Variants in ZNF469 observed in about 807,000 individuals in gnomAD.
The protein encoded by ZNF469 is zinc finger protein 469.
In ZNF469, 1 loss-of-function variant was observed where a neutral mutation model predicts 1.0. The ratio of observed to expected loss-of-function variants is 1.00; its 90% confidence interval spans 0.35 to 4.73. The LOEUF (loss-of-function observed/expected upper bound fraction) is 4.73. Ranked by LOEUF, ZNF469 falls within the 30% of genes most tolerant of loss-of-function variation. ZNF469 has a pLI of 0.16. For missense variants in ZNF469, 6,100 were observed against 5,356.3 expected (o/e 1.14, Z -4.33); for synonymous variants, 2,703 against 2,363.4 (o/e 1.14, Z -4.17).
the ZNF469 span, among the ~76,000 whole-genome samples, chr16:88,210,575 C>G: frequency 8.9e-3 from 1,359 of 152,330 alleles, 30 homozygotes; most frequent in African/African-American, 0.031. Flanking sequence ...ATATAGATCT[C>G]TAATCCATTT....
the ZNF469 span, among the ~76,000 whole-genome samples, chr16:88,222,003 C>G: frequency 6.6e-6 from 1 of 152,152 alleles, no homozygotes; most frequent in African/African-American, 2.4e-5. Flanking sequence ...CTCACAGTCT[C>G]TGGGCCGTGG....
the ZNF469 span, among the ~76,000 whole-genome samples, chr16:88,347,117 T>C: frequency 6.6e-6 from 1 of 152,196 alleles, no homozygotes; most frequent in African/African-American, 2.4e-5. Flanking sequence ...GTGTCACCTG[T>C]GTTGGTTTTG....
At chr16:88,296,618 ACT>A in the ZNF469 span, among the ~76,000 whole-genome samples, 2 of 151,734 alleles carry the variant, frequency 1.3e-5, no homozygotes, top group East Asian at 1.9e-4. Context: ...ACATGCTCAC[ACT>A]CATGCACACT....
the ZNF469 span, among the ~76,000 whole-genome samples, chr16:88,139,384 CCTTTTTGCCCCTTGGCCTGGGG>C: frequency 6.7e-6 from 1 of 150,346 alleles, no homozygotes; most frequent in Admixed American, 6.6e-5. Context: ...GGATCCGAAA[CCTTTTTGCCCCTTGGCCTGGGG>C]ACGTGATGAG....
the ZNF469 span, among the ~76,000 whole-genome samples, chr16:88,174,630 C>G: frequency 6.7e-6 from 1 of 148,846 alleles, no homozygotes; most frequent in Non-Finnish European, 1.5e-5. Context: ...CCCTCTTCTT[C>G]CTCCTCTGCC....
the ZNF469 span, among the ~76,000 whole-genome samples, chr16:88,122,259 A>T: frequency 1.3e-5 from 2 of 150,302 alleles, no homozygotes; most frequent in Non-Finnish European, 3.0e-5. Flanking sequence ...CACGGCAGCC[A>T]CTCTGATCAC....
the ZNF469 span, among the ~76,000 whole-genome samples, chr16:88,339,839 G>A: frequency 7.2e-6 from 1 of 139,230 alleles, no homozygotes; most frequent in Non-Finnish European, 1.6e-5. Context: ...ATGGCAGGGG[G>A]ATGGGGAACA....
At chr16:88,346,518 T>C in the ZNF469 span, among the ~76,000 whole-genome samples, 1 of 152,222 alleles carries the variant, frequency 6.6e-6, no homozygotes, top group African/African-American at 2.4e-5. Context: ...TTATTTACTT[T>C]TATTTTTTTT....
the ZNF469 span, among the ~76,000 whole-genome samples, chr16:88,142,360 A>G: frequency 6.6e-6 from 1 of 152,214 alleles, no homozygotes; most frequent in East Asian, 1.9e-4. Flanking sequence ...TGGCCCTGCC[A>G]TCCAGGCTGG....
At chr16:88,109,786 T>C in the ZNF469 span, among the ~76,000 whole-genome samples, 3 of 151,950 alleles carry the variant, frequency 2.0e-5, no homozygotes, top group Non-Finnish European at 4.4e-5. Flanking sequence ...GTGCTGTGCG[T>C]CTGTGTCCAC....
the ZNF469 span, among the ~76,000 whole-genome samples, chr16:88,343,244 G>A: frequency 0.01 from 1,545 of 152,272 alleles, 32 homozygotes; most frequent in African/African-American, 0.035. Flanking sequence ...GATGGCATCC[G>A]GTGACAAAGT....
chr16:88,239,658 TTTTTTTTTGTATA>T, the ZNF469 span, among the ~76,000 whole-genome samples: 5 of 114,182 alleles, frequency 4.4e-5, no homozygotes, highest in African/African-American at 1.7e-4. Flanking sequence ...CGGCTTATTT[TTTTTTTTTGTATA>T]TATATATATA....
At chr16:88,365,169 C>T in the ZNF469 span, among the ~76,000 whole-genome samples, 1 of 152,220 alleles carries the variant, frequency 6.6e-6, no homozygotes, top group African/African-American at 2.4e-5. Flanking sequence ...GCTGAGTAAT[C>T]TCGAGCAGAC....
At chr16:88,321,961 G>A in the ZNF469 span, among the ~76,000 whole-genome samples, 2 of 152,208 alleles carry the variant, frequency 1.3e-5, no homozygotes, top group African/African-American at 2.4e-5. Flanking sequence ...CACCGCTTCT[G>A]ACATCACTCA....
At chr16:88,427,188 C>T (rs1209821567) in intron 2 of ZNF469, among the ~76,000 whole-genome samples, 157 bp from the exon 3 acceptor site, 1 of 152,152 alleles carries the variant, frequency 6.6e-6, no homozygotes, top group Non-Finnish European at 1.5e-5. Context: ...GGGGCTGAGC[C>T]GAGCATCCCT....
the ZNF469 span, among the ~76,000 whole-genome samples, chr16:88,326,725 C>T: frequency 4.5e-3 from 682 of 152,322 alleles, 7 homozygotes; most frequent in African/African-American, 0.015. Flanking sequence ...GCTGTGAAAG[C>T]ACCTTAGAGA....
At chr16:88,321,135 C>G in the ZNF469 span, among the ~76,000 whole-genome samples, 294 of 152,368 alleles carry the variant, frequency 1.9e-3, 2 homozygotes, top group African/African-American at 6.7e-3. Flanking sequence ...GCCGCAGGGA[C>G]CAAGCTCCTC....
At chr16:88,174,423 GATCA>G in the ZNF469 span, among the ~76,000 whole-genome samples, 1 of 151,682 alleles carries the variant, frequency 6.6e-6, no homozygotes, top group Non-Finnish European at 1.5e-5. Flanking sequence ...CCCTGTATCA[GATCA>G]GTCAGAGTGT....
the ZNF469 span, among the ~76,000 whole-genome samples, chr16:88,366,395 T>C: frequency 6.8e-6 from 1 of 147,670 alleles, no homozygotes; most frequent in South Asian, 2.2e-4. Flanking sequence ...TTCACCACCA[T>C]CATCACCTTC....
Sources: gnomAD v4.1 joint callset for allele counts (sites outside exome capture counted in the v4.1 genomes callset) on GRCh38, gnomAD v4.1.1 for gene constraint, MANE v1.5 for transcripts, NCBI Gene and HGNC (gene_info 2026-07-23, HGNC 2026-07-21) for gene names.